KLHL1: variants seen among roughly 807,000 people sequenced by gnomAD.
The protein encoded by KLHL1 is kelch like family member 1, also known as kelch-like protein 1.
In KLHL1, 47 loss-of-function variants were observed where a neutral mutation model predicts 77.7. The observed-to-expected ratio is 0.60, with a 90% CI of 0.48 to 0.77. The LOEUF is 0.77. KLHL1 is among the 30% of genes least tolerant of loss of function. The probability of loss-of-function intolerance (pLI) is 0.00; values close to 1 mark genes in which losing one functional copy is unlikely to be tolerated. For missense variants in KLHL1, 925 were observed against 910.8 expected, an observed-to-expected ratio of 1.02 and a Z score of -0.20; for synonymous variants, 360 against 325.2, an observed-to-expected ratio of 1.11 and a Z score of -1.15.
intron 1 of KLHL1, among the ~76,000 whole-genome samples, chr13:69,994,919 C>A (rs1279356192): frequency 2.0e-5 from 3 of 151,998 alleles, no homozygotes; most frequent in Non-Finnish European, 4.4e-5. Context: ...CTATAGTGAA[C>A]TTTTAAAGCT....
chr13:69,827,760 T>C lies in KLHL1; in HGVS notation c.1414+11216A>G, dbSNP rs529995057. Among the ~76,000 whole-genome samples the C allele has an allele frequency of 1.3e-4, 20 of 151,392 alleles. 1 individual carries two copies. The South Asian group carries it at 2.5e-3, about 19-fold the overall frequency. On this transcript the variant is annotated intron_variant, in intron 6 of 10. Transcript: ENST00000377844. Reference sequence around the variant, plus strand: ...AAAAAAAAAAAAAAAAAAGTTATTCTTAGCACATCTCATCATTAACAGGTT... The same window carrying C: ...AAAAAAAAAAAAAAAAAAGTTATTCCTAGCACATCTCATCATTAACAGGTT...
At position 69,927,370 on chromosome 13, in the gene KLHL1, A is replaced by G. The variant is rs1397063643; in HGVS notation, c.1014+12670T>C. 2.0e-5 allele frequency among the ~76,000 whole-genome samples: 3 copies of G among 152,328 alleles called. No homozygotes were observed. The East Asian group carries it at 5.8e-4, about 29-fold the overall frequency. On this transcript the variant is annotated intron_variant, in intron 4 of 10. Transcript: ENST00000377844. ...TTAAACGTTCCTTAACTGTAACACCAAAAGCACAAGCAATAAAAGAAAAAT... is the reference window on the plus strand; with the variant it reads ...TTAAACGTTCCTTAACTGTAACACCGAAAGCACAAGCAATAAAAGAAAAAT...
At chr13:70,011,217 C>G (rs1434999414) in intron 1 of KLHL1, among the ~76,000 whole-genome samples, 4 of 152,034 alleles carry the variant, frequency 2.6e-5, no homozygotes, top group African/African-American at 9.7e-5. Context: ...ATATTGTTGT[C>G]TCAAATGCCA....
At chr13:70,097,720 A>G (rs1307440460) in intron 1 of KLHL1, among the ~76,000 whole-genome samples, 1 of 151,928 alleles carries the variant, frequency 6.6e-6, no homozygotes, top group African/African-American at 2.4e-5. Context: ...ATTGCAAACT[A>G]TAAGGCAAGG....
intron 6 of KLHL1, among the ~76,000 whole-genome samples, chr13:69,823,938 C>G (rs1007176758): frequency 2.0e-5 from 3 of 151,752 alleles, no homozygotes; most frequent in Non-Finnish European, 4.4e-5. Context: ...AAATTTTGCT[C>G]TCAGTATTAA....
chr13:69,846,395 C>T (rs1879461178), intron 5 of KLHL1, among the ~76,000 whole-genome samples: 1 of 151,420 alleles, frequency 6.6e-6, no homozygotes, highest in African/African-American at 2.4e-5. Flanking sequence ...ACACAATTTT[C>T]AGAATTTACC....
intron 1 of KLHL1, among the ~76,000 whole-genome samples, chr13:70,041,042 T>C (rs1205724651): frequency 6.6e-6 from 1 of 152,178 alleles, no homozygotes; most frequent in African/African-American, 2.4e-5. Context: ...CAATTGAATT[T>C]TACTTTAGAT....
intron 1 of KLHL1, among the ~76,000 whole-genome samples, chr13:70,049,978 G>A (rs1317189635): frequency 6.6e-6 from 1 of 151,612 alleles, no homozygotes; most frequent in Non-Finnish European, 1.5e-5. Context: ...CAGACTAATA[G>A]ATAATTTATA....
intron 4 of KLHL1, among the ~76,000 whole-genome samples, chr13:69,927,303 C>T (rs1882848158): frequency 6.6e-6 from 1 of 152,062 alleles, no homozygotes; most frequent in Non-Finnish European, 1.5e-5. Context: ...GCCAAAGTCA[C>T]AAAAGACAAC....
chr13:70,106,937 T>C (rs1888074784), intron 1 of KLHL1, among the ~76,000 whole-genome samples: 1 of 152,216 alleles, frequency 6.6e-6, no homozygotes, highest in East Asian at 1.9e-4. Flanking sequence ...ACTATTCCAC[T>C]TGAAGGCTTA....
In KLHL1 at chr13:70,070,964, TTAAAA is replaced by T. The variant is rs1887124595; in HGVS notation, c.497+36234_497+36238del. 2.6e-5 allele frequency among the ~76,000 whole-genome samples: 4 copies of T among 151,766 alleles called. No homozygotes were observed. In the South Asian group the frequency reaches 8.3e-4, roughly 32 times the overall value. The stretch of plus-strand genomic sequence containing the variant: ...AAATTGAATTATATAAAAATATCAG[TTAAAA>T]TAAAGGGAAGGCACAAAAAATCGGA... On this transcript the variant is annotated intron_variant, in intron 1 of 10. Transcript: ENST00000377844.
intron 5 of KLHL1, among the ~76,000 whole-genome samples, chr13:69,875,703 C>T (rs192916034): frequency 6.6e-5 from 10 of 152,110 alleles, no homozygotes; most frequent in African/African-American, 1.9e-4. Context: ...GTAACTTGAA[C>T]GGTGAATGTC....
intron 4 of KLHL1, among the ~76,000 whole-genome samples, chr13:69,886,412 T>C (rs1881222629): frequency 6.6e-6 from 1 of 151,844 alleles, no homozygotes; most frequent in Non-Finnish European, 1.5e-5. Flanking sequence ...TTTCCTGGAC[T>C]TAATGTGAAC....
intron 1 of KLHL1, among the ~76,000 whole-genome samples, chr13:70,018,012 T>G (rs1885700862): frequency 6.6e-6 from 1 of 151,892 alleles, no homozygotes; most frequent in African/African-American, 2.4e-5. Context: ...TTAATTGAAT[T>G]CTGTTAATTT....
At chr13:70,026,946 G>T (rs1243668022) in intron 1 of KLHL1, among the ~76,000 whole-genome samples, 1 of 152,052 alleles carries the variant, frequency 6.6e-6, no homozygotes, top group Non-Finnish European at 1.5e-5. Flanking sequence ...AAATGTGTAT[G>T]TTCCTTCAAT....
intron 1 of KLHL1, among the ~76,000 whole-genome samples, chr13:70,079,770 C>A (rs9572352): frequency 0.19 from 28,649 of 152,042 alleles, 2,841 homozygotes; most frequent in Admixed American, 0.27. Context: ...GGAAACGAAG[C>A]ATTAGTGATG....
intron 4 of KLHL1, among the ~76,000 whole-genome samples, chr13:69,929,815 T>C (rs1394504414): frequency 2.6e-5 from 4 of 151,844 alleles, no homozygotes; most frequent in African/African-American, 9.7e-5. Context: ...CTGATATACA[T>C]TACATTGCCT....
chr13:70,094,497 A>AT (rs1332593109), intron 1 of KLHL1, among the ~76,000 whole-genome samples: 2 of 151,646 alleles, frequency 1.3e-5, no homozygotes, highest in African/African-American at 4.9e-5. Flanking sequence ...GTCTCATAAA[A>AT]TTATGTAGTC....
chr13:70,064,534 T>C (rs1886962174), intron 1 of KLHL1, among the ~76,000 whole-genome samples: 1 of 152,210 alleles, frequency 6.6e-6, no homozygotes, highest in South Asian at 2.1e-4. Flanking sequence ...CTCCTTCACC[T>C]ATTGTGATAA....
Sources: allele counts gnomAD v4.1 joint callset (sites outside exome capture counted in the v4.1 genomes callset), GRCh38; gene constraint gnomAD v4.1.1; transcripts MANE v1.5; gene names NCBI Gene and HGNC (gene_info 2026-07-23, HGNC 2026-07-21).